AARSD1: variants seen among roughly 807,000 people sequenced by gnomAD.
AARSD1 encodes alanyl-tRNA editing protein Aarsd1.
A neutral mutation model predicts 48.7 loss-of-function variants in AARSD1; 44 were observed. The ratio of observed to expected loss-of-function variants is 0.90; its 90% CI spans 0.71 to 1.16. AARSD1 has a LOEUF of 1.16. AARSD1 is among the 50% of genes most tolerant of loss of function. The pLI is 0.00. For missense variants in AARSD1, 511 were observed against 523.1 expected (o/e 0.98, Z 0.23); for synonymous variants, 189 against 194.9 (o/e 0.97, Z 0.25).
At position 42,956,145 on chromosome 17, in the gene AARSD1, T is replaced by C. The variant is rs779650723; in HGVS notation, c.663+59A>G. The C allele has an allele frequency of 3.0e-5, 49 of 1,612,358 alleles. 1 individual carries two copies. The South Asian group carries it at 5.2e-4, about 17-fold the overall frequency. ...TCCCCCTCTCCCACTCCCAGCCCCA[T>C]GTGATCCCCTCTCCCCCAATCCCTC... On this transcript the variant is annotated intron_variant, in intron 6 of 11. Transcript: ENST00000427569.
intron 8 of AARSD1, 41 bp downstream of exon 8, chr17:42,955,117 G>GCAGGGCC (rs779993961): frequency 6.2e-7 from 1 of 1,613,536 alleles, no homozygotes; most frequent in South Asian, 1.1e-5. Flanking sequence ...CCTATCCTAG[G>GCAGGGCC]CAGGGCCCAT....
At chr17:42,953,104 C>A (rs1233639800) in intron 10 of AARSD1, among the ~76,000 whole-genome samples, 1 of 152,124 alleles carries the variant, frequency 6.6e-6, no homozygotes, top group Admixed American at 6.6e-5. Context: ...CTCAGCCTCC[C>A]GAGTAGCTGG....
Position 42,954,940 on chromosome 17 carries a change from C to A in AARSD1, c.889G>T (p.Ala297Ser). The part of the protein sequence containing the change: ...KNNLNLLRDL[A>S]VHIAHSLRNS... ...CTGAGGCTATGGGCAATGTGCACAGCCAGGTCTCTGAGCAGATTCAGGTTA... is the reference window on the plus strand; with the variant it reads ...CTGAGGCTATGGGCAATGTGCACAGACAGGTCTCTGAGCAGATTCAGGTTA... Residue 297 changes from alanine to serine, a missense_variant, in exon 9 of 12, where the codon GCT becomes TCT. Transcript: ENST00000427569. The A allele has an allele frequency of 6.2e-7, 1 of 1,614,146 alleles. No homozygotes were observed. The highest frequency in any genetic ancestry group is 1.3e-5 in the African/African-American group (1 of 75,058).
chr17:42,964,260 A>G, intron 1 of AARSD1, 23 bp from the exon 2 acceptor site: 1 of 1,531,356 alleles, frequency 6.5e-7, no homozygotes, highest in Non-Finnish European at 8.7e-7. Flanking sequence ...GAATGAGAGA[A>G]TAAGCCCCGA....
At chr17:42,964,294 TCC>T in intron 1 of AARSD1, 57 bp from the exon 2 acceptor site, 2 of 1,606,732 alleles carry the variant, frequency 1.2e-6, no homozygotes, top group South Asian at 2.2e-5. Context: ...CCTAGCCCTC[TCC>T]ACACCAGGAC....
intron 3 of AARSD1, 45 bp downstream of exon 3, chr17:42,961,147 A>G: frequency 1.9e-6 from 3 of 1,572,796 alleles, no homozygotes; most frequent in Non-Finnish European, 2.6e-6. Context: ...GCATCCCCAT[A>G]CATGGCAACT....
At chr17:42,952,021 T>A (rs982804130) in intron 10 of AARSD1, 127 bp from the exon 11 acceptor site, 1 of 1,087,312 alleles carries the variant, frequency 9.2e-7, no homozygotes, top group African/African-American at 1.6e-5. Context: ...ACGCTCCTGA[T>A]GAATGATGAT....
rs554621479 is a variant in AARSD1, at chr17:42,953,789, GGAC to G, written c.954-14_954-12del. On this transcript the variant is annotated splice_polypyrimidine_tract_variant and intron_variant, in intron 9 of 11. Coordinates refer to ENST00000427569, the MANE Select transcript of AARSD1 (RefSeq NM_001261434.2). ...GAATCACCCTCCTTCCTACAACAAA[GGAC>G]ACAGACATGAGACCCAGGTTGGAGT... 158 of 1,614,102 alleles carry G rather than the reference GGAC, an allele frequency of 9.8e-5. 1 individual carries two copies. The African/African-American group carries it at 2.0e-3, about 20-fold the overall frequency.
intron 4 of AARSD1, among the ~76,000 whole-genome samples, chr17:42,956,914 G>A (rs1307382099): frequency 6.9e-5 from 10 of 145,516 alleles, no homozygotes; most frequent in East Asian, 4.0e-4. Flanking sequence ...TGATCCGCCC[G>A]CCTCGGCCTC....
At chr17:42,954,988 C>T in intron 8 of AARSD1, 21 bp from the exon 9 acceptor site, 1 of 1,614,062 alleles carries the variant, frequency 6.2e-7, no homozygotes, top group Non-Finnish European at 8.5e-7. Flanking sequence ...TATGGTAACT[C>T]AGTAGATAAA....
chr17:42,957,095 T>C, intron 4 of AARSD1, 43 bp downstream of exon 4: 2 of 1,606,942 alleles, frequency 1.2e-6, no homozygotes. Context: ...CTCCCAGTGC[T>C]GGGATGGGCC....
chr17:42,955,302 C>T, intron 7 of AARSD1, 78 bp from the exon 8 acceptor site: 3 of 1,570,746 alleles, frequency 1.9e-6, no homozygotes, highest in Non-Finnish European at 2.6e-6. Flanking sequence ...CAATAATTTC[C>T]TTCTTGCTAT....
chr17:42,962,499 C>T (rs2049652386), intron 2 of AARSD1, among the ~76,000 whole-genome samples: 1 of 151,900 alleles, frequency 6.6e-6, no homozygotes. Flanking sequence ...GTATATGACG[C>T]TAGAGAACCT....
At chr17:42,962,298 C>A (rs2049649155) in intron 2 of AARSD1, 19 of 107,144 alleles carry the variant, frequency 1.8e-4, no homozygotes, top group South Asian at 7.1e-4. Flanking sequence ...GACACCATCT[C>A]AAAAAAAAAA....
At chr17:42,957,225 A>C in intron 3 of AARSD1, 30 bp from the exon 4 acceptor site, 2 of 1,612,708 alleles carry the variant, frequency 1.2e-6, no homozygotes, top group Non-Finnish European at 1.7e-6. Context: ...GACAGGAGAA[A>C]AGTGAGAAGC....
At chr17:42,960,721 C>CAA (rs912931801) in intron 3 of AARSD1, among the ~76,000 whole-genome samples, 139 of 77,866 alleles carry the variant, frequency 1.8e-3, no homozygotes, top group African/African-American at 5.2e-3. Context: ...AACTCTGTGT[C>CAA]AAAAAAAAAA....
At chr17:42,955,360 T>A in intron 7 of AARSD1, 136 bp from the exon 8 acceptor site, 1 of 1,028,406 alleles carries the variant, frequency 9.7e-7, no homozygotes, top group Non-Finnish European at 1.4e-6. Context: ...AGGAGGTCTC[T>A]TAGGCAACTG....
intron 10 of AARSD1, chr17:42,952,203 C>A (rs779083953): frequency 5.5e-6 from 2 of 361,326 alleles, no homozygotes; most frequent in Non-Finnish European, 1.1e-5. Context: ...CCTTTCCCTG[C>A]CACTGCCTAA....
intron 3 of AARSD1, among the ~76,000 whole-genome samples, chr17:42,959,521 A>T (rs1399682984): frequency 1.3e-5 from 2 of 148,252 alleles, no homozygotes; most frequent in Admixed American, 6.8e-5. Context: ...AGCCATCGCG[A>T]GCAGCCTACA....
Sources: allele counts gnomAD v4.1 joint callset (sites outside exome capture counted in the v4.1 genomes callset), GRCh38; gene constraint gnomAD v4.1.1; transcripts MANE v1.5; gene names NCBI Gene and HGNC (gene_info 2026-07-23, HGNC 2026-07-21).